The following KIF15 variants were observed in gnomAD, a reference collection of about 807,000 sequenced individuals.
KIF15 encodes the protein kinesin-like protein KIF15.
KIF15 carries 140 observed loss-of-function variants against 190.6 expected under a neutral mutation model. The observed-to-expected ratio is 0.73, with a 90% confidence interval of 0.64 to 0.84. The LOEUF (loss-of-function observed/expected upper bound fraction) is 0.84, where lower values mean the gene tolerates loss of function less well. Among genes scored for constraint, KIF15 ranks in the 40% least tolerant of loss-of-function variants. The pLI, the probability that KIF15 is intolerant of heterozygous loss-of-function variation, is 0.00. For missense variants in KIF15, 1,372 were observed against 1,584.4 expected, an observed-to-expected ratio of 0.87 and a Z score of 2.28; for synonymous variants, 528 against 551.3, an observed-to-expected ratio of 0.96 and a Z score of 0.59.
intron 32 of KIF15, among the ~76,000 whole-genome samples, chr3:44,849,864 T>C (rs937855001): frequency 2.6e-5 from 4 of 152,170 alleles, no homozygotes; most frequent in African/African-American, 9.7e-5. Flanking sequence ...TTACTGGAAA[T>C]TTTTATAAGT....
intron 3 of KIF15, among the ~76,000 whole-genome samples, chr3:44,776,990 A>ATTTTT (rs371067828): frequency 1.6e-4 from 19 of 116,832 alleles, no homozygotes; most frequent in African/African-American, 2.3e-4. Flanking sequence ...AACATCACAG[A>ATTTTT]TTTTTTTTTT....
intron 19 of KIF15, among the ~76,000 whole-genome samples, chr3:44,814,378 C>T (rs1216699891): frequency 1.3e-5 from 2 of 151,996 alleles, no homozygotes; most frequent in East Asian, 1.9e-4. Context: ...GGTGCAATCT[C>T]GGCTCACTGT....
At position 44,766,795 on chromosome 3, in the gene KIF15, TTTTC is replaced by T. The variant is rs1168888670; in HGVS notation, c.19+4923_19+4926del. Among the ~76,000 whole-genome samples, 148 of 150,512 alleles carry T rather than the reference TTTTC, an allele frequency of 9.8e-4. 3 individuals are homozygous for T. The East Asian group carries it at 0.026, about 27-fold the overall frequency. On this transcript the variant is annotated intron_variant, in intron 1 of 34. Transcript: ENST00000326047. ...TTCCAGAGGCTTTAATTTTCTTTTC[TTTTC>T]TTTCTTTCTTTTTTTTTTTTTTTTT...
intron 22 of KIF15, 35 bp downstream of exon 22, chr3:44,826,495 G>A: frequency 7.3e-7 from 1 of 1,370,698 alleles, no homozygotes. Context: ...TAGCATACTA[G>A]AATATTGTTT....
At chr3:44,779,277 C>A (rs1237301202) in intron 4 of KIF15, among the ~76,000 whole-genome samples, 2 of 152,118 alleles carry the variant, frequency 1.3e-5, no homozygotes, top group East Asian at 3.9e-4. Flanking sequence ...TGACCTACGC[C>A]TAGAATCAGC....
rs951705453 is a variant in KIF15 at position 44,863,434 on chromosome 3, A to G, written c.*60-9895A>G. ...GAGACTTTCTCCTTTAAAAAAAAAG[A>G]AAGAAAATACCTGCAAGTTCTCCAA... On this transcript the variant is annotated intron_variant and NMD_transcript_variant, in intron 6 of 6. Transcript: ENST00000422209. The G allele has an allele frequency of 5.9e-5, 9 of 151,988 alleles. No individual in the cohort carries two copies. In the South Asian group the frequency reaches 1.5e-3, roughly 25 times the overall value. 9.4% of individuals were successfully genotyped at this position (151,988 alleles called of 1,614,324 possible).
At chr3:44,824,813 A>G (rs114377466) in intron 20 of KIF15, among the ~76,000 whole-genome samples, 2,836 of 152,302 alleles carry the variant, frequency 0.019, 74 homozygotes, top group African/African-American at 0.063. Flanking sequence ...AGGCTGGAGC[A>G]CAGTGGCATA....
intron 1 of KIF15, among the ~76,000 whole-genome samples, chr3:44,763,832 C>G (rs564716154): frequency 6.6e-6 from 1 of 152,100 alleles, no homozygotes; most frequent in East Asian, 1.9e-4. Context: ...GGACTACAGG[C>G]GTGCACCACC....
downstream of KIF15, among the ~76,000 whole-genome samples, chr3:44,857,386 C>T (rs552366579): frequency 4.8e-4 from 73 of 152,300 alleles, no homozygotes; most frequent in African/African-American, 1.3e-3. Context: ...CAGCAGCAGC[C>T]GCTGCACGGA....
chr3:44,855,481 C>T (rs959804001), downstream of KIF15, among the ~76,000 whole-genome samples: 6 of 152,130 alleles, frequency 3.9e-5, no homozygotes, highest in African/African-American at 7.2e-5. Context: ...AGAGGCCTGA[C>T]GTTCCTGTCT....
intron 10 of KIF15, among the ~76,000 whole-genome samples, chr3:44,798,974 C>T (rs1315143583): frequency 6.6e-6 from 1 of 152,146 alleles, no homozygotes; most frequent in Admixed American, 6.5e-5. Context: ...GTCCATGTTG[C>T]CCCTTTCCCT....
Position 44,858,972 on chromosome 3 carries a change from GAGTC to G in KIF15, c.*59+6185_*59+6188del, listed in dbSNP as rs535280529. Among the ~76,000 whole-genome samples the G allele has an allele frequency of 3.8e-3, 575 of 152,368 alleles. 1 individual carries two copies. Among genetic ancestry groups the G allele is most frequent in the African/African-American group, 0.012 (519 of 41,584 alleles). ...TGCTAAGCTGAGAAGATATGGGAAG[GAGTC>G]AGTCAGAGAGCCCCGGGCCAGAGTT... On this transcript the variant is annotated intron_variant and NMD_transcript_variant, in intron 6 of 6. Coordinates refer to the KIF15 transcript ENST00000422209.
intron 26 of KIF15, among the ~76,000 whole-genome samples, chr3:44,833,009 C>CA (rs11339810): frequency 1.5e-3 from 124 of 85,130 alleles, no homozygotes; most frequent in African/African-American, 4.0e-3. Flanking sequence ...GACTCCATCT[C>CA]AAAAAAAAAA....
chr3:44,867,328 C>G (rs1248946347), intron 6 of KIF15, among the ~76,000 whole-genome samples: 1 of 152,186 alleles, frequency 6.6e-6, no homozygotes, highest in Non-Finnish European at 1.5e-5. Flanking sequence ...CCTACCTTTT[C>G]TTAGGGGCTC....
At chr3:44,821,969 C>A (rs958413047) in intron 20 of KIF15, among the ~76,000 whole-genome samples, 5 of 152,214 alleles carry the variant, frequency 3.3e-5, no homozygotes, top group Non-Finnish European at 2.9e-5. Flanking sequence ...CAAAAAAATA[C>A]GAAAACCAGT....
At chr3:44,854,754 C>T (rs1291300258), downstream of KIF15, among the ~76,000 whole-genome samples, 3 of 152,118 alleles carry the variant, frequency 2.0e-5, no homozygotes, top group Admixed American at 2.0e-4. Context: ...TCTCTCAGAG[C>T]CATAGGGGAG....
chr3:44,839,901 G>C (rs1698506420), intron 27 of KIF15, among the ~76,000 whole-genome samples: 1 of 152,080 alleles, frequency 6.6e-6, no homozygotes, highest in South Asian at 2.1e-4. Flanking sequence ...TATATATATA[G>C]CACATTTTCT....
At position 44,818,603 on chromosome 3, in the gene KIF15, G is replaced by A. The variant is rs556055739; in HGVS notation, c.2549+3527G>A. On this transcript the variant is annotated intron_variant, in intron 20 of 34. Transcript: ENST00000326047. ...TGCCATAGATACAGCCGACTTTATT[G>A]TGGTGGATAAGCTTTTTGATGTGCT... Among the ~76,000 whole-genome samples, 874 of 152,214 alleles carry A rather than the reference G, an allele frequency of 5.7e-3. 3 individuals carry two copies. The highest frequency in any genetic ancestry group is 0.014 in the Middle Eastern group (4 of 294).
chr3:44,856,513 T>C (rs1430423898), downstream of KIF15, among the ~76,000 whole-genome samples: 5 of 152,218 alleles, frequency 3.3e-5, no homozygotes. Context: ...GGAGATATTT[T>C]TCTTGGTCCA....
Sources: gnomAD v4.1 joint callset for allele counts (sites outside exome capture counted in the v4.1 genomes callset) on GRCh38, gnomAD v4.1.1 for gene constraint, MANE v1.5 for transcripts, NCBI Gene and HGNC (gene_info 2026-07-23, HGNC 2026-07-21) for gene names.